XPR1: variants seen among roughly 807,000 people sequenced by gnomAD.
The protein encoded by XPR1 is xenotropic and polytropic retrovirus receptor 1, also known as solute carrier family 53 member 1.
A neutral mutation model predicts 87.5 loss-of-function variants in XPR1; 28 were observed. The observed-to-expected ratio is 0.32, with a 90% confidence interval of 0.24 to 0.44. The LOEUF (loss-of-function observed/expected upper bound fraction) is 0.44, where lower values mean the gene tolerates loss of function less well. XPR1 is among the 20% of genes least tolerant of loss of function. XPR1 has a pLI of 1.00. For missense variants in XPR1, 559 were observed against 862.3 expected, an observed-to-expected ratio of 0.65 and a Z score of 4.41; for synonymous variants, 300 against 306.1, an observed-to-expected ratio of 0.98 and a Z score of 0.21.
chr1:180,780,658 CTGGGG>C (rs888240074), intron 2 of XPR1, among the ~76,000 whole-genome samples: 1 of 149,084 alleles, frequency 6.7e-6, no homozygotes, highest in Non-Finnish European at 1.5e-5. Flanking sequence ...GTCCCAACTA[CTGGGG>C]AGGCTGAGGC....
chr1:180,841,009 G>C (rs543157040), intron 11 of XPR1, among the ~76,000 whole-genome samples: 2 of 152,104 alleles, frequency 1.3e-5, no homozygotes, highest in Non-Finnish European at 2.9e-5. Flanking sequence ...ATCTAGTGGG[G>C]GAATAGACAA....
chr1:180,643,858 T>C (rs933737289), intron 1 of XPR1, among the ~76,000 whole-genome samples: 2 of 152,118 alleles, frequency 1.3e-5, no homozygotes, highest in African/African-American at 4.8e-5. Context: ...GGAGTTCAAG[T>C]AGAAGGTGCA....
chr1:180,718,923 T>A (rs538067427), intron 2 of XPR1, among the ~76,000 whole-genome samples: 1 of 152,244 alleles, frequency 6.6e-6, no homozygotes, highest in Admixed American at 6.5e-5. Context: ...CACCTTGGCC[T>A]CCCAAAGTGC....
At chr1:180,740,066 C>T (rs897923603) in intron 2 of XPR1, among the ~76,000 whole-genome samples, 1 of 152,170 alleles carries the variant, frequency 6.6e-6, no homozygotes, top group South Asian at 2.1e-4. Context: ...AACTCACCTA[C>T]TATTTCTAGG....
chr1:180,728,022 A>G (rs990359599), intron 2 of XPR1, among the ~76,000 whole-genome samples: 8 of 152,154 alleles, frequency 5.3e-5, no homozygotes, highest in African/African-American at 1.9e-4. Flanking sequence ...TAGAATGCTT[A>G]ACCATCTGGG....
chr1:180,757,959 G>C (rs896841351), intron 2 of XPR1, among the ~76,000 whole-genome samples: 2 of 146,696 alleles, frequency 1.4e-5, no homozygotes, highest in African/African-American at 5.0e-5. Context: ...TGTTGATGTT[G>C]ATATGTAGTA....
At chr1:180,736,286 A>G (rs1658728400) in intron 2 of XPR1, among the ~76,000 whole-genome samples, 1 of 152,190 alleles carries the variant, frequency 6.6e-6, no homozygotes, top group African/African-American at 2.4e-5. Context: ...GCTACCTGAA[A>G]TAATTACAGT....
chr1:180,756,832 C>T (rs769045067), intron 2 of XPR1, among the ~76,000 whole-genome samples: 1 of 152,148 alleles, frequency 6.6e-6, no homozygotes, highest in East Asian at 1.9e-4. Flanking sequence ...AATTAATTTT[C>T]GCACATGATA....
intron 2 of XPR1, among the ~76,000 whole-genome samples, chr1:180,745,966 A>G (rs1320783118): frequency 6.6e-6 from 1 of 152,198 alleles, no homozygotes; most frequent in East Asian, 1.9e-4. Flanking sequence ...ACACAAATTT[A>G]TCATCTCATA....
intron 14 of XPR1, among the ~76,000 whole-genome samples, chr1:180,881,825 G>C (rs1425270204): frequency 6.6e-6 from 1 of 152,056 alleles, no homozygotes; most frequent in East Asian, 1.9e-4. Flanking sequence ...TTAATCCCTG[G>C]CTCAACCATA....
chr1:180,837,235 CTTT>C (rs1453857625), intron 11 of XPR1, among the ~76,000 whole-genome samples: 2 of 152,196 alleles, frequency 1.3e-5, no homozygotes, highest in Non-Finnish European at 2.9e-5. Context: ...AGAGAAAAGG[CTTT>C]TAAGTTCTGA....
At position 180,821,893 on chromosome 1, in the gene XPR1, C is replaced by A. The variant is rs551121581; in HGVS notation, c.764-2860C>A. ...TGTGTGTTGATCTTGTACTCTACAA[C>A]TGTGATGAATTTACTAATTCTAGTA... On this transcript the variant is annotated intron_variant, in intron 7 of 14. Transcript: ENST00000367590. 1.2e-4 allele frequency among the ~76,000 whole-genome samples: 18 copies of A among 152,228 alleles called. No individual in the cohort carries two copies. In the South Asian group the frequency reaches 3.5e-3, roughly 30 times the overall value.
At chr1:180,809,297 A>G (rs1406650663) in intron 6 of XPR1, among the ~76,000 whole-genome samples, 1 of 152,178 alleles carries the variant, frequency 6.6e-6, no homozygotes, top group Non-Finnish European at 1.5e-5. Flanking sequence ...ACAAAGACAC[A>G]TGGGAAATTC....
intron 11 of XPR1, among the ~76,000 whole-genome samples, chr1:180,863,013 T>TATA (rs1354603638): frequency 6.6e-6 from 1 of 152,128 alleles, no homozygotes; most frequent in Non-Finnish European, 1.5e-5. Flanking sequence ...TAGTGTGCCT[T>TATA]ATAATAAGTA....
intron 2 of XPR1, among the ~76,000 whole-genome samples, chr1:180,777,860 G>A (rs1160823313): frequency 6.6e-6 from 1 of 152,150 alleles, no homozygotes; most frequent in African/African-American, 2.4e-5. Context: ...GAGAAACTAA[G>A]AAATCATAGA....
chr1:180,786,083 T>G lies in XPR1; in HGVS notation c.122-1670T>G, dbSNP rs568968923. On this transcript the variant is annotated intron_variant, in intron 2 of 14. Coordinates refer to ENST00000367590, the MANE Select transcript of XPR1 (RefSeq NM_004736.4). Reference sequence around the variant, plus strand: ...ATTGCGGAGTTTAAAGTGGCCATCCTGTTTTACTCTAGAATCAATACAACA... The same window carrying G: ...ATTGCGGAGTTTAAAGTGGCCATCCGGTTTTACTCTAGAATCAATACAACA... 4.6e-5 allele frequency among the ~76,000 whole-genome samples: 7 copies of G among 152,128 alleles called. 1 individual carries two copies. The highest frequency in any genetic ancestry group is 2.0e-4 in the Admixed American group (3 of 15,224).
chr1:180,681,469 C>T (rs886390332), intron 1 of XPR1, among the ~76,000 whole-genome samples: 4 of 152,042 alleles, frequency 2.6e-5, no homozygotes, highest in Non-Finnish European at 4.4e-5. Context: ...CACGGTGAAA[C>T]TCTGTCTCTA....
intron 11 of XPR1, among the ~76,000 whole-genome samples, chr1:180,857,111 C>T (rs1652057979): frequency 1.3e-5 from 2 of 152,168 alleles, no homozygotes; most frequent in Non-Finnish European, 2.9e-5. Context: ...CCTGTTTCCA[C>T]CTTTTTGAAT....
chr1:180,794,936 G>A (rs935881228), intron 3 of XPR1, among the ~76,000 whole-genome samples: 1 of 152,082 alleles, frequency 6.6e-6, no homozygotes, highest in African/African-American at 2.4e-5. Flanking sequence ...TGGTATTTGA[G>A]GTACACAGTT....
Sources: gnomAD v4.1 joint callset for allele counts (sites outside exome capture counted in the v4.1 genomes callset) on GRCh38, gnomAD v4.1.1 for gene constraint, MANE v1.5 for transcripts, NCBI Gene and HGNC (gene_info 2026-07-23, HGNC 2026-07-21) for gene names.